The following CLSTN3 variants were observed in gnomAD, a reference collection of about 807,000 sequenced individuals.
The protein encoded by CLSTN3 is calsyntenin 3.
Under a neutral mutation model 95.9 loss-of-function variants are expected in CLSTN3, and 36 were observed. That is an observed-to-expected ratio of 0.38 (90% CI 0.29 to 0.50). The LOEUF is 0.50. Among genes scored for constraint, CLSTN3 ranks in the 20% least tolerant of loss-of-function variants. The pLI, the probability that CLSTN3 is intolerant of heterozygous loss-of-function variation, is 0.95. For missense variants in CLSTN3, 1,084 were observed against 1,268.8 expected (o/e 0.85, Z 2.21); for synonymous variants, 481 against 504.0 (o/e 0.95, Z 0.61).
intron 8 of CLSTN3, chr12:7,138,844 A>G (rs910141689): frequency 2.0e-5 from 3 of 151,100 alleles, no homozygotes; most frequent in African/African-American, 7.3e-5. Context: ...AAAAAAAAAA[A>G]AAAAAAAAAA....
At position 7,138,518 on chromosome 12, in the gene CLSTN3, A is replaced by G. The variant is rs79033421; in HGVS notation, c.1323+451A>G. Among the ~76,000 whole-genome samples the G allele has an allele frequency of 2.9e-3, 436 of 152,292 alleles. 3 individuals carry two copies. The highest frequency in any genetic ancestry group is 9.5e-3 in the African/African-American group (395 of 41,552). ...AATATGTGTAAACCTCAGGGTTAAA[A>G]CAACCCTGTTATATAGGGATAAAAA... On this transcript the variant is annotated intron_variant, in intron 8 of 17. Transcript: ENST00000266546.
chr12:7,129,758 T>C (rs1239674736), upstream of CLSTN3: 1 of 985,456 alleles, frequency 1.0e-6, no homozygotes, highest in Non-Finnish European at 1.2e-6. This position sits in a 1 kb window ranked among gnomAD's most constrained non-coding sequence, Gnocchi z 5.5. Context: ...TGGTTCATCA[T>C]GGTTTAAGGT....
chr12:7,146,059 G>T (rs1464436709), intron 12 of CLSTN3, among the ~76,000 whole-genome samples: 2 of 152,104 alleles, frequency 1.3e-5, no homozygotes, highest in African/African-American at 2.4e-5. Flanking sequence ...CCTCTACTCT[G>T]AGGCTAGGTG....
At chr12:7,143,345 G>A (rs1177310008) in intron 12 of CLSTN3, 34 bp downstream of exon 12, 2 of 1,591,712 alleles carry the variant, frequency 1.3e-6, no homozygotes, top group Non-Finnish European at 1.7e-6. Context: ...AAATCACCAA[G>A]CAGAGCCAGA....
chr12:7,147,243 A>G (rs1939634320), intron 12 of CLSTN3, among the ~76,000 whole-genome samples: 9 of 151,606 alleles, frequency 5.9e-5, no homozygotes. Context: ...TGGAAAGATC[A>G]GTGGACTTGG....
At chr12:7,135,216 T>C (rs1235937821) in intron 3 of CLSTN3, 111 bp from the exon 4 acceptor site, 8 of 975,112 alleles carry the variant, frequency 8.2e-6, no homozygotes, top group Non-Finnish European at 1.3e-5. Flanking sequence ...TGTATCTTGA[T>C]GTACCGTATC....
intron 16 of CLSTN3, among the ~76,000 whole-genome samples, chr12:7,152,047 C>T (rs1406574351): frequency 7.2e-6 from 1 of 138,834 alleles, no homozygotes. Context: ...GAGCAAGGCT[C>T]TGTCTCAAAG....
chr12:7,144,097 C>T (rs1043207991), intron 12 of CLSTN3, among the ~76,000 whole-genome samples: 1 of 151,946 alleles, frequency 6.6e-6, no homozygotes, highest in East Asian at 1.9e-4. Context: ...CATGGTGGCA[C>T]GTGCCTGTAA....
At chr12:7,129,796 G>A, upstream of CLSTN3, 1 of 985,802 alleles carries the variant, frequency 1.0e-6, no homozygotes, top group African/African-American at 1.7e-5. The surrounding 1 kb of genome is among the most constrained non-coding windows in gnomAD (Gnocchi z 5.5). Flanking sequence ...AGGCAGGACA[G>A]GTAGGCAGGA....
rs754758010 is a variant in CLSTN3, at chr12:7,150,972, C to T, written c.2436C>T (p.His812=). The stretch of plus-strand genomic sequence containing the variant: ...TGAACCGGGTTGCCCACCCCAGCCA[C>T]GTGCTCAGCTCCCAGCAGTTCCTGC... ...HSMNRVAHPS[H]VLSSQQFLHR... is the part of the protein sequence containing the mutation. Residue 812 remains histidine (H), a synonymous_variant, in exon 16 of 18, where the codon CAC becomes CAT. Transcript: ENST00000266546. This position sits in a 1 kb window ranked among gnomAD's most constrained non-coding sequence, Gnocchi z 4.0. 98 of 1,612,986 alleles carry T rather than the reference C, an allele frequency of 6.1e-5. No individual in the cohort carries two copies. Among genetic ancestry groups the T allele is most frequent in the South Asian group, 7.7e-5 (7 of 90,940 alleles).
At chr12:7,147,833 A>G (rs1296589095) in intron 12 of CLSTN3, among the ~76,000 whole-genome samples, 1 of 152,082 alleles carries the variant, frequency 6.6e-6, no homozygotes, top group Non-Finnish European at 1.5e-5. Flanking sequence ...TAGGCATTTT[A>G]CAGCATAGAA....
chr12:7,139,653 A>AT (rs770771485), intron 8 of CLSTN3, among the ~76,000 whole-genome samples: 10 of 83,764 alleles, frequency 1.2e-4, no homozygotes, highest in East Asian at 4.8e-4. Context: ...TATTATTATT[A>AT]TTATTTTTTT....
At chr12:7,155,899 C>G in intron 16 of CLSTN3, 1 of 254,070 alleles carries the variant, frequency 3.9e-6, no homozygotes, top group Non-Finnish European at 7.8e-6. Flanking sequence ...CCCTGGAGTG[C>G]GTGGCAGCTG....
At chr12:7,139,659 T>TTA (rs1565650475) in intron 8 of CLSTN3, among the ~76,000 whole-genome samples, 11 of 148,186 alleles carry the variant, frequency 7.4e-5, no homozygotes, top group East Asian at 5.9e-4. Flanking sequence ...TATTATTATT[T>TTA]TTTTTTTTGA....
At chr12:7,152,309 C>T (rs756616406) in intron 16 of CLSTN3, among the ~76,000 whole-genome samples, 1 of 152,160 alleles carries the variant, frequency 6.6e-6, no homozygotes, top group East Asian at 1.9e-4. Flanking sequence ...TTTTGGAACC[C>T]CTTCTTAGAA....
intron 3 of CLSTN3, 116 bp from the exon 4 acceptor site, chr12:7,135,211 C>T (rs1429823363): frequency 1.4e-5 from 13 of 947,156 alleles, no homozygotes; most frequent in Non-Finnish European, 2.1e-5. Flanking sequence ...AAGGCTGTAT[C>T]TTGATGTACC....
rs1181797584 is a variant in CLSTN3, at chr12:7,137,404, C to T, written c.1210+294C>T. 7.5e-6 allele frequency: 3 copies of T among 402,138 alleles called. No homozygotes were observed. Among genetic ancestry groups the T allele is most frequent in the Non-Finnish European group, 1.4e-5 (3 of 216,674 alleles). The allele number at this position is 402,138 out of a possible 1,614,324, so 24.9% of individuals were successfully genotyped here. Reference sequence around the variant, plus strand: ...CTGTCCCCACCCCCCATCTCCACCTCCATTAAAGCCCCTCCATTGCAATGG... The same window carrying T: ...CTGTCCCCACCCCCCATCTCCACCTTCATTAAAGCCCCTCCATTGCAATGG... On this transcript the variant is annotated intron_variant, in intron 7 of 17. Coordinates refer to ENST00000266546, the MANE Select transcript of CLSTN3 (RefSeq NM_014718.4). The surrounding 1 kb of genome is among the most constrained non-coding windows in gnomAD (Gnocchi z 4.4).
Position 7,137,120 on chromosome 12 carries a change from C to A in CLSTN3, c.1210+10C>A. On this transcript the variant is annotated intron_variant, in intron 7 of 17. Coordinates refer to ENST00000266546, the MANE Select transcript of CLSTN3 (RefSeq NM_014718.4). The surrounding 1 kb of genome is among the most constrained non-coding windows in gnomAD (Gnocchi z 4.4). ...AACACTGTCCAGAATGGTGAGCCTC[C>A]CCTCCAGGCACTAGCCAGAGGGGGA... The A allele has an allele frequency of 6.3e-7, 1 of 1,595,102 alleles. No homozygotes were observed.
Position 7,133,985 on chromosome 12 carries a change from C to T in CLSTN3, c.383+217C>T, listed in dbSNP as rs1939357490. The T allele has an allele frequency of 2.2e-6, 1 of 456,484 alleles. No individual in the cohort carries two copies. The highest frequency in any genetic ancestry group is 4.9e-5 in the South Asian group (1 of 20,488). The allele number at this position is 456,484 out of a possible 1,614,324, so 28.3% of individuals were successfully genotyped here. ...TAGAGTTCAGTGGATCTAATCTTGGCTTTGCCTCTCATGACCTTGGGCAGC... is the reference window on the plus strand; with the variant it reads ...TAGAGTTCAGTGGATCTAATCTTGGTTTTGCCTCTCATGACCTTGGGCAGC... On this transcript the variant is annotated intron_variant, in intron 3 of 17. Transcript: ENST00000266546. The surrounding 1 kb of genome is among the most constrained non-coding windows in gnomAD (Gnocchi z 4.7).
Sources: allele counts gnomAD v4.1 joint callset (sites outside exome capture counted in the v4.1 genomes callset), GRCh38; gene constraint gnomAD v4.1.1; non-coding constraint Gnocchi (gnomAD v3.1); transcripts MANE v1.5; gene names NCBI Gene and HGNC (gene_info 2026-07-23, HGNC 2026-07-21).